BICD1: variants seen among roughly 807,000 people sequenced by gnomAD.
BICD1 encodes the protein BICD cargo adaptor 1.
Under a neutral mutation model 92.5 loss-of-function variants are expected in BICD1, and 35 were observed. The ratio of observed to expected loss-of-function variants is 0.38; its 90% CI spans 0.29 to 0.50. BICD1 has a LOEUF of 0.50. Ranked by LOEUF, BICD1 falls within the 20% of genes least tolerant of loss-of-function variation. The pLI is 0.93. For synonymous variants in BICD1, 429 were observed against 465.1 expected (o/e 0.92, Z 1.00); for missense variants, 950 against 1,189.8 (o/e 0.80, Z 2.97).
At chr12:32,111,639 G>A (rs1187873226) in intron 1 of BICD1, among the ~76,000 whole-genome samples, 35 of 151,282 alleles carry the variant, frequency 2.3e-4, no homozygotes, top group East Asian at 1.9e-4. Flanking sequence ...ATGGAGTCTC[G>A]CACTTTCACC....
At chr12:32,205,123 G>A (rs1945010815) in intron 1 of BICD1, among the ~76,000 whole-genome samples, 1 of 152,120 alleles carries the variant, frequency 6.6e-6, no homozygotes, top group Admixed American at 6.5e-5. Flanking sequence ...TTTTCATACA[G>A]ATTTTTCAAA....
At chr12:32,245,649 C>G (rs1308539260) in intron 2 of BICD1, among the ~76,000 whole-genome samples, 1 of 151,464 alleles carries the variant, frequency 6.6e-6, no homozygotes, top group Non-Finnish European at 1.5e-5. Context: ...CATAATATTG[C>G]AATATAGTGT....
intron 8 of BICD1, among the ~76,000 whole-genome samples, chr12:32,364,116 A>G (rs1939437519): frequency 1.3e-5 from 2 of 152,136 alleles, no homozygotes; most frequent in Non-Finnish European, 2.9e-5. Context: ...TTCTCTGTTC[A>G]CCTTTTTCCC....
chr12:32,339,813 T>G (rs1311733422), intron 8 of BICD1: 2 of 983,686 alleles, frequency 2.0e-6, no homozygotes, highest in African/African-American at 3.5e-5. Context: ...TAAAACTATT[T>G]AAGTTAGTTA....
chr12:32,170,900 C>T (rs936310558), intron 1 of BICD1, among the ~76,000 whole-genome samples: 29 of 152,130 alleles, frequency 1.9e-4, no homozygotes, highest in African/African-American at 6.5e-4. Context: ...TCACTACTGC[C>T]GAGGACGAGA....
chr12:32,287,255 A>G (rs1947594248), intron 2 of BICD1, among the ~76,000 whole-genome samples: 1 of 152,212 alleles, frequency 6.6e-6, no homozygotes, highest in Non-Finnish European at 1.5e-5. Flanking sequence ...CAGTAGTACT[A>G]GTAGCACTTG....
intron 2 of BICD1, among the ~76,000 whole-genome samples, chr12:32,252,104 A>AATATTATATATTATATATTTATAATAG (rs1946559838): frequency 1.1e-5 from 1 of 93,484 alleles, no homozygotes; most frequent in East Asian, 2.4e-4. Context: ...ATTTATAATA[A>AATATTATATATTATATATTTATAATAG]ATATTATATA....
chr12:32,262,645 A>G lies in BICD1; in HGVS notation c.427-31349A>G, dbSNP rs144668521. Among the ~76,000 whole-genome samples, 242 of 152,322 alleles carry G rather than the reference A, an allele frequency of 1.6e-3. 2 individuals are homozygous for G. The highest frequency in any genetic ancestry group is 4.1e-3 in the South Asian group (20 of 4,830). On this transcript the variant is annotated intron_variant, in intron 2 of 9. Coordinates refer to ENST00000652176, the MANE Select transcript of BICD1 (RefSeq NM_001714.4). ...TGGGTTACAGTGAGCCTTAAAGCCA[A>G]TGACAAGTATCCTTATAAGAGACAG...
chr12:32,251,989 A>ATATTTATAATACATATTTATAATATT lies in BICD1; in HGVS notation c.426+35530_426+35531insTATTTATAATACATATTTATAATATT, dbSNP rs1555156943. 1.1e-3 allele frequency among the ~76,000 whole-genome samples: 110 copies of ATATTTATAATACATATTTATAATATT among 104,244 alleles called. 2 individuals are homozygous for ATATTTATAATACATATTTATAATATT. Among genetic ancestry groups the ATATTTATAATACATATTTATAATATT allele is most frequent in the South Asian group, 2.8e-3 (11 of 3,884 alleles). The allele number at this position is 104,244 out of a possible 152,430, so 68.4% of individuals were successfully genotyped here. A position where few individuals can be genotyped will look rare whatever the true frequency, so the allele number is the denominator to read the frequency against. The stretch of plus-strand genomic sequence containing the variant: ...TTTAAAACTTTACCACTATATATAT[A>ATATTTATAATACATATTTATAATATT]ATATATTTATAATATATATTTATAA... On this transcript the variant is annotated intron_variant, in intron 2 of 9. Coordinates refer to ENST00000652176, the MANE Select transcript of BICD1 (RefSeq NM_001714.4).
chr12:32,203,805 G>T (rs184366657), intron 1 of BICD1, among the ~76,000 whole-genome samples: 6 of 150,474 alleles, frequency 4.0e-5, no homozygotes, highest in Non-Finnish European at 8.9e-5. Flanking sequence ...TTGGCCTCTC[G>T]AACCTGTGCT....
At chr12:32,169,029 G>A (rs769970262) in intron 1 of BICD1, among the ~76,000 whole-genome samples, 1 of 152,172 alleles carries the variant, frequency 6.6e-6, no homozygotes, top group Non-Finnish European at 1.5e-5. Context: ...CCCATCTGTT[G>A]TGAGGAGATG....
At chr12:32,331,042 G>A (rs1937841976) in intron 5 of BICD1, among the ~76,000 whole-genome samples, 3 of 152,154 alleles carry the variant, frequency 2.0e-5, no homozygotes, top group African/African-American at 7.2e-5. Context: ...GCTGAGGCAG[G>A]AGAATCACTT....
chr12:32,342,341 G>A (rs2136288481), intron 8 of BICD1, among the ~76,000 whole-genome samples: 1 of 149,034 alleles, frequency 6.7e-6, no homozygotes, highest in South Asian at 2.1e-4. Context: ...TGCAAGCTCT[G>A]CCTCCCAGGT....
rs1227599059 is a variant in BICD1, at chr12:32,338,609, C to T, written c.2571-177C>T. 4 of 530,548 alleles carry T rather than the reference C, an allele frequency of 7.5e-6. No homozygotes were observed. In the African/African-American group the frequency reaches 8.4e-5, roughly 11 times the overall value. 32.9% of individuals were successfully genotyped at this position (530,548 alleles called of 1,614,324 possible). On this transcript the variant is annotated intron_variant, in intron 7 of 9. Transcript: ENST00000652176. ...TTTTTCCAGTATCCAGAACAGTTTC[C>T]AAATAGGGTTGTATCCTGATGTGGA... is the stretch of plus-strand genomic sequence containing the variant.
At chr12:32,179,011 T>C (rs1944198002) in intron 1 of BICD1, among the ~76,000 whole-genome samples, 2 of 152,036 alleles carry the variant, frequency 1.3e-5, no homozygotes, top group African/African-American at 4.8e-5. Flanking sequence ...ATTGCACTTT[T>C]AACAGAGCGG....
At chr12:32,194,497 A>G (rs1384674206) in intron 1 of BICD1, among the ~76,000 whole-genome samples, 4 of 152,262 alleles carry the variant, frequency 2.6e-5, no homozygotes, top group African/African-American at 7.2e-5. Context: ...GTTGCAGGAT[A>G]CAAAATTAAC....
intron 1 of BICD1, among the ~76,000 whole-genome samples, chr12:32,117,123 G>A (rs907173567): frequency 4.6e-5 from 7 of 152,150 alleles, no homozygotes; most frequent in African/African-American, 1.7e-4. Flanking sequence ...TAGTTGTCTA[G>A]TAATGGAATG....
In BICD1 at chr12:32,350,166, C is replaced by T. The variant is rs1938800523; in HGVS notation, c.2764+11187C>T. On this transcript the variant is annotated intron_variant, in intron 8 of 9. Transcript: ENST00000652176. Reference sequence around the variant, plus strand: ...AATGTTCATGGAAGGCCCAGGCTTGCTACTTCCCATTCCTTTATTTTAAAT... The same window carrying T: ...AATGTTCATGGAAGGCCCAGGCTTGTTACTTCCCATTCCTTTATTTTAAAT... Among the ~76,000 whole-genome samples, 4 of 152,180 alleles carry T rather than the reference C, an allele frequency of 2.6e-5. No homozygotes were observed. In the South Asian group the frequency reaches 6.2e-4, roughly 24 times the overall value.
intron 2 of BICD1, among the ~76,000 whole-genome samples, chr12:32,259,546 A>C (rs1256686278): frequency 3.3e-5 from 5 of 152,200 alleles, no homozygotes; most frequent in Non-Finnish European, 7.3e-5. Flanking sequence ...GCTCCACATC[A>C]GCATCATTCT....
Sources: allele counts gnomAD v4.1 joint callset (sites outside exome capture counted in the v4.1 genomes callset), GRCh38; gene constraint gnomAD v4.1.1; transcripts MANE v1.5; gene names NCBI Gene and HGNC (gene_info 2026-07-23, HGNC 2026-07-21).